Variants in METTL24 observed in about 807,000 individuals in gnomAD.
METTL24 encodes the protein methyltransferase like 24, also known as probable methyltransferase-like protein 24.
Under a neutral mutation model 32.7 loss-of-function variants are expected in METTL24, and 29 were observed. The ratio of observed to expected loss-of-function variants is 0.89; its 90% CI spans 0.66 to 1.21. The LOEUF is 1.21. Among genes scored for constraint, METTL24 ranks in the 50% most tolerant of loss-of-function variants. The pLI is 0.00. For synonymous variants in METTL24, 163 were observed against 179.5 expected, an observed-to-expected ratio of 0.91 and a Z score of 0.73; for missense variants, 439 against 468.1, an observed-to-expected ratio of 0.94 and a Z score of 0.57.
At chr6:110,289,933 C>T (rs768287926) in intron 4 of METTL24, among the ~76,000 whole-genome samples, 3 of 151,560 alleles carry the variant, frequency 2.0e-5, no homozygotes, top group East Asian at 1.9e-4. Flanking sequence ...CAAGGAAATT[C>T]GTACAGTTTA....
intron 1 of METTL24, 56 bp from the exon 2 acceptor site, chr6:110,322,928 A>C: frequency 7.2e-7 from 1 of 1,381,374 alleles, no homozygotes; most frequent in Admixed American, 1.7e-5. Flanking sequence ...GGGTGGGAGG[A>C]GAAGGACACA....
At chr6:110,351,235 A>G (rs1772595658) in intron 1 of METTL24, among the ~76,000 whole-genome samples, 1 of 152,114 alleles carries the variant, frequency 6.6e-6, no homozygotes, top group Non-Finnish European at 1.5e-5. Flanking sequence ...AAATTAATCA[A>G]TGTCTTCACA....
chr6:110,274,118 A>T (rs1354222117), intron 4 of METTL24, among the ~76,000 whole-genome samples: 4 of 152,056 alleles, frequency 2.6e-5, no homozygotes, highest in African/African-American at 9.7e-5. Flanking sequence ...TTTGAGATGG[A>T]GTCTTGCTCT....
intron 4 of METTL24, among the ~76,000 whole-genome samples, chr6:110,295,890 A>G (rs1771408949): frequency 6.6e-6 from 1 of 152,168 alleles, no homozygotes. Context: ...CTTTGAGTTT[A>G]CTGAAAACAA....
At chr6:110,305,733 G>A (rs146780239) in intron 3 of METTL24, among the ~76,000 whole-genome samples, 1,842 of 152,134 alleles carry the variant, frequency 0.012, 36 homozygotes, top group African/African-American at 0.043. Context: ...TGGTGGGAGT[G>A]TAAATTAGTT....
chr6:110,295,360 G>A (rs562934995), intron 4 of METTL24, among the ~76,000 whole-genome samples: 1 of 152,170 alleles, frequency 6.6e-6, no homozygotes, highest in African/African-American at 2.4e-5. Flanking sequence ...TCCCAGCCAA[G>A]GGAGGCAGAA....
At position 110,289,768 on chromosome 6, in the gene METTL24, G is replaced by T. The variant is rs74914171; in HGVS notation, c.786+9154C>A. On this transcript the variant is annotated intron_variant, in intron 4 of 4. Coordinates refer to ENST00000338882, the MANE Select transcript of METTL24 (RefSeq NM_001123364.3). The stretch of plus-strand genomic sequence containing the variant: ...AAATTCAAAAGATATAGAGTACAGA[G>T]TTTCTTCCTCAGCCATCTAGTTCTT... 2.8e-3 allele frequency among the ~76,000 whole-genome samples: 419 copies of T among 152,270 alleles called. 1 individual carries two copies. Among genetic ancestry groups the T allele is most frequent in the African/African-American group, 9.8e-3 (408 of 41,558 alleles).
chr6:110,305,576 A>G (rs149109292), intron 3 of METTL24, among the ~76,000 whole-genome samples: 1,459 of 137,656 alleles, frequency 0.011, 55 homozygotes, highest in African/African-American at 0.039. Flanking sequence ...CATGAAAAAA[A>G]TCTCATCATC....
chr6:110,316,922 GA>G (rs548200828), intron 2 of METTL24, among the ~76,000 whole-genome samples: 1 of 151,378 alleles, frequency 6.6e-6, no homozygotes, highest in Non-Finnish European at 1.5e-5. Context: ...GAAAAGAAAA[GA>G]AAAAAAAGAT....
intron 1 of METTL24, among the ~76,000 whole-genome samples, chr6:110,356,614 C>T (rs559190431): frequency 6.6e-6 from 1 of 152,160 alleles, no homozygotes; most frequent in Non-Finnish European, 1.5e-5. Flanking sequence ...TAAGAGCCTC[C>T]CCCACGAGAA....
intron 4 of METTL24, among the ~76,000 whole-genome samples, chr6:110,292,532 G>A (rs188392366): frequency 6.6e-6 from 1 of 151,254 alleles, no homozygotes; most frequent in African/African-American, 2.4e-5. Flanking sequence ...TTTTTTTAAT[G>A]ATTTGTTGAA....
chr6:110,330,211 T>C (rs1772089599), intron 1 of METTL24, among the ~76,000 whole-genome samples: 2 of 152,164 alleles, frequency 1.3e-5, no homozygotes, highest in Admixed American at 6.5e-5. Flanking sequence ...ACTAAGATGG[T>C]AGAAGCCACA....
chr6:110,260,356 A>G (rs1331421408), intron 4 of METTL24, among the ~76,000 whole-genome samples: 1 of 152,244 alleles, frequency 6.6e-6, no homozygotes, highest in Non-Finnish European at 1.5e-5. Flanking sequence ...ACTGGAAGAA[A>G]GGTTATCAGT....
intron 4 of METTL24, among the ~76,000 whole-genome samples, chr6:110,280,828 T>G (rs1348218809): frequency 3.3e-5 from 5 of 152,020 alleles, no homozygotes; most frequent in African/African-American, 4.8e-5. Context: ...ATGTTTCAAT[T>G]TTTTTGTTGA....
intron 4 of METTL24, among the ~76,000 whole-genome samples, chr6:110,274,792 T>C (rs913680220): frequency 2.7e-5 from 4 of 148,420 alleles, no homozygotes; most frequent in African/African-American, 1.0e-4. Context: ...TTTTTTCCTT[T>C]TCGTTCTTTC....
intron 4 of METTL24, among the ~76,000 whole-genome samples, chr6:110,255,576 C>T (rs1199815412): frequency 6.6e-6 from 1 of 152,128 alleles, no homozygotes; most frequent in African/African-American, 2.4e-5. Context: ...GGACAGCTCC[C>T]GGCAGCTGCT....
At chr6:110,258,856 C>G (rs1778435174) in intron 4 of METTL24, among the ~76,000 whole-genome samples, 1 of 151,896 alleles carries the variant, frequency 6.6e-6, no homozygotes, top group Non-Finnish European at 1.5e-5. Context: ...AAACAAAACA[C>G]AGCTTTGAGG....
chr6:110,302,566 CACATACACACACATATGTGT>C (rs1219364266), intron 3 of METTL24, among the ~76,000 whole-genome samples: 1 of 95,744 alleles, frequency 1.0e-5, no homozygotes, highest in Non-Finnish European at 2.0e-5. Flanking sequence ...TATATATACA[CACATACACACACATATGTGT>C]ATATATACAC....
intron 1 of METTL24, among the ~76,000 whole-genome samples, chr6:110,353,147 C>T (rs1297162210): frequency 6.6e-6 from 1 of 152,236 alleles, no homozygotes; most frequent in African/African-American, 2.4e-5. Flanking sequence ...CTTTGTGCGA[C>T]TAAGCAACTG....
Sources: allele counts gnomAD v4.1 joint callset (sites outside exome capture counted in the v4.1 genomes callset), GRCh38; gene constraint gnomAD v4.1.1; transcripts MANE v1.5; gene names NCBI Gene and HGNC (gene_info 2026-07-23, HGNC 2026-07-21).